The following CRMP1 variants were observed in gnomAD, a reference collection of about 807,000 sequenced individuals.
The protein encoded by CRMP1 is collapsin response mediator protein 1, also known as dihydropyrimidinase-related protein 1.
A neutral mutation model predicts 68.3 loss-of-function variants in CRMP1; 19 were observed. The observed-to-expected ratio is 0.28, with a 90% CI of 0.19 to 0.41. The LOEUF (loss-of-function observed/expected upper bound fraction) is 0.41. Ranked by LOEUF, CRMP1 falls within the 10% of genes least tolerant of loss-of-function variation. The pLI is 1.00. For synonymous variants in CRMP1, 439 were observed against 399.6 expected (o/e 1.10, Z -1.18); for missense variants, 791 against 967.4 (o/e 0.82, Z 2.42).
intron 9 of CRMP1, among the ~76,000 whole-genome samples, chr4:5,837,211 C>G (rs777648708): frequency 1.1e-4 from 16 of 152,162 alleles, no homozygotes; most frequent in South Asian, 2.1e-4. Context: ...AGAACAAACA[C>G]TATTCATTGG....
At chr4:5,830,239 A>G (rs1401991078) in intron 11 of CRMP1, among the ~76,000 whole-genome samples, 3 of 152,156 alleles carry the variant, frequency 2.0e-5, no homozygotes, top group Non-Finnish European at 4.4e-5. Flanking sequence ...AATGTTAAAG[A>G]ATTTATCCTT....
chr4:5,828,427 C>T, intron 12 of CRMP1, 62 bp downstream of exon 12: 1 of 1,578,112 alleles, frequency 6.3e-7, no homozygotes, highest in Non-Finnish European at 8.6e-7. Context: ...ATCTCGATTC[C>T]CCAAGAGACG....
At chr4:5,826,945 C>G (rs368546167) in intron 12 of CRMP1, 1 of 152,678 alleles carries the variant, frequency 6.5e-6, no homozygotes, top group African/African-American at 2.4e-5. Context: ...TGCTCCCCGA[C>G]TCCCTGGGCC....
At chr4:5,873,347 C>T (rs543924620) in intron 1 of CRMP1, among the ~76,000 whole-genome samples, 3 of 152,292 alleles carry the variant, frequency 2.0e-5, no homozygotes, top group African/African-American at 7.2e-5. Context: ...ATTAGTCCAT[C>T]CTCACAATGC....
intron 12 of CRMP1, among the ~76,000 whole-genome samples, chr4:5,827,108 G>T (rs1006603216): frequency 3.3e-5 from 5 of 152,210 alleles, no homozygotes; most frequent in Non-Finnish European, 7.3e-5. Flanking sequence ...GAATCCCTGT[G>T]CAATGGGACC....
intron 1 of CRMP1, among the ~76,000 whole-genome samples, chr4:5,882,401 A>T (rs1715276673): frequency 6.6e-6 from 1 of 152,248 alleles, no homozygotes; most frequent in African/African-American, 2.4e-5. Flanking sequence ...AGCATGAGCA[A>T]AAAATAAGTG....
intron 11 of CRMP1, among the ~76,000 whole-genome samples, chr4:5,831,272 C>A (rs752061977): frequency 3.3e-5 from 5 of 152,086 alleles, no homozygotes; most frequent in Non-Finnish European, 7.4e-5. Context: ...ATTGCTATTA[C>A]AGGATTTTGA....
At chr4:5,824,167 G>T in intron 13 of CRMP1, 1 of 306,668 alleles carries the variant, frequency 3.3e-6, no homozygotes, top group Non-Finnish European at 4.8e-6. Flanking sequence ...GTGTTTAATT[G>T]CATAACTCCA....
chr4:5,892,886 CG>C lies in CRMP1; in HGVS notation c.83del (p.Pro28ArgfsTer61). 1.4e-6 allele frequency: 2 copies of C among 1,408,354 alleles called. No homozygotes were observed. The highest frequency in any genetic ancestry group is 5.4e-5 in the Admixed American group (2 of 37,320). 87.2% of individuals were successfully genotyped at this position (1,408,354 alleles called of 1,614,324 possible). On this transcript the variant is annotated frameshift_variant, in exon 1 of 14. Transcript: ENST00000324989. LOFTEE classifies it high-confidence loss of function. This position sits in a 1 kb window ranked among gnomAD's most constrained non-coding sequence, Gnocchi z 8.6. Reference sequence around the variant, plus strand: ...CGAACATGCCGCCGTACTTCTGGCGCGGGGTCTGCGCCGCGCTGCCCGGCCG... The same window carrying C: ...CGAACATGCCGCCGTACTTCTGGCGCGGGTCTGCGCCGCGCTGCCCGGCCG... ...LARPGSAAQT[P>X]RQKYGGMFAA...
chr4:5,848,929 C>T (rs1453356779), intron 6 of CRMP1, among the ~76,000 whole-genome samples: 1 of 152,244 alleles, frequency 6.6e-6, no homozygotes. Flanking sequence ...ATACCATCAA[C>T]ATACTAGCTT....
chr4:5,878,871 A>C (rs1341776244), intron 1 of CRMP1, among the ~76,000 whole-genome samples: 2 of 151,864 alleles, frequency 1.3e-5, no homozygotes, highest in East Asian at 3.9e-4. Flanking sequence ...TTTTCAGCTT[A>C]TCTCTCATCT....
chr4:5,892,826 G>T lies in CRMP1; in HGVS notation c.144C>A (p.Ile48=). The T allele has an allele frequency of 7.1e-7, 1 of 1,406,914 alleles. No individual in the cohort carries two copies. The highest frequency in any genetic ancestry group is 9.4e-7 in the Non-Finnish European group (1 of 1,068,120). 87.2% of individuals were successfully genotyped at this position (1,406,914 alleles called of 1,614,324 possible). A position where few individuals can be genotyped will look rare whatever the true frequency, so the allele number is the denominator to read the frequency against. Residue 48 remains isoleucine (I), a synonymous_variant, in exon 1 of 14, where the codon ATC becomes ATA. Coordinates refer to ENST00000324989, the MANE Select transcript of CRMP1 (RefSeq NM_001014809.3). The surrounding 1 kb of genome is among the most constrained non-coding windows in gnomAD (Gnocchi z 8.6). ...GGCCCACACTGTAGGCGTCGAAGTC[G>T]ATGGTCTTGTTCTCGTAGGCGCCCT... is the stretch of plus-strand genomic sequence containing the variant. ...AVEGAYENKT[I]DFDAYSVGRR...
chr4:5,840,773 C>G (rs1304383458), intron 8 of CRMP1, among the ~76,000 whole-genome samples: 1 of 152,226 alleles, frequency 6.6e-6, no homozygotes, highest in Admixed American at 6.5e-5. Context: ...CTCTGAGCCC[C>G]GGTTTCCTTA....
chr4:5,832,619 G>A (rs543216275), intron 11 of CRMP1, among the ~76,000 whole-genome samples: 1 of 152,244 alleles, frequency 6.6e-6, no homozygotes, highest in South Asian at 2.1e-4. Context: ...CATTGCTTTG[G>A]ACAGAGAAAA....
Position 5,892,506 on chromosome 4 carries a change from G to C in CRMP1, c.381+83C>G. The C allele has an allele frequency of 8.8e-7, 1 of 1,134,718 alleles. No individual in the cohort carries two copies. Among genetic ancestry groups the C allele is most frequent in the Non-Finnish European group, 1.1e-6 (1 of 922,878 alleles). The allele number at this position is 1,134,718 out of a possible 1,614,324, so 70.3% of individuals were successfully genotyped here. A position where few individuals can be genotyped will look rare whatever the true frequency, so the allele number is the denominator to read the frequency against. On this transcript the variant is annotated intron_variant, in intron 1 of 13. Transcript: ENST00000324989. This position sits in a 1 kb window ranked among gnomAD's most constrained non-coding sequence, Gnocchi z 8.6. Reference sequence around the variant, plus strand: ...GGCCGCTGCCCCAACACCGGGGCCCGGGCATGGCCCTCGGGCGCCCCATGC... The same window carrying C: ...GGCCGCTGCCCCAACACCGGGGCCCCGGCATGGCCCTCGGGCGCCCCATGC...
Position 5,889,911 on chromosome 4 carries a change from A to C in CRMP1, c.381+2678T>G, listed in dbSNP as rs1166637205. ...GCTCAGTATCCCAGGAACACTAGGC[A>C]TAATTTTCCCATTTTACAGACAGGA... On this transcript the variant is annotated intron_variant, in intron 1 of 13. Transcript: ENST00000324989. This position sits in a 1 kb window ranked among gnomAD's most constrained non-coding sequence, Gnocchi z 4.5. The C allele has an allele frequency of 5.7e-6, 8 of 1,395,468 alleles. No individual in the cohort carries two copies. Among genetic ancestry groups the C allele is most frequent in the Admixed American group, 2.9e-5 (1 of 34,086 alleles). 86.4% of individuals were successfully genotyped at this position (1,395,468 alleles called of 1,614,324 possible).
At chr4:5,844,797 A>G (rs1273553338) in intron 6 of CRMP1, among the ~76,000 whole-genome samples, 4 of 151,900 alleles carry the variant, frequency 2.6e-5, no homozygotes, top group East Asian at 1.9e-4. Flanking sequence ...AGCAGTAACC[A>G]CTAACGCTGA....
intron 6 of CRMP1, among the ~76,000 whole-genome samples, chr4:5,845,442 G>C (rs1433338518): frequency 6.6e-6 from 1 of 152,242 alleles, no homozygotes; most frequent in East Asian, 1.9e-4. Flanking sequence ...AGCCAGCAAA[G>C]AACAGACCAT....
chr4:5,827,846 C>T (rs577829612), intron 12 of CRMP1, among the ~76,000 whole-genome samples: 2 of 152,138 alleles, frequency 1.3e-5, no homozygotes, highest in Non-Finnish European at 2.9e-5. Flanking sequence ...ATGTTGGCCA[C>T]GGGCGGGAGT....
Sources: gnomAD v4.1 joint callset for allele counts (sites outside exome capture counted in the v4.1 genomes callset) on GRCh38, gnomAD v4.1.1 for gene constraint, Gnocchi (gnomAD v3.1) non-coding constraint, MANE v1.5 for transcripts, NCBI Gene and HGNC (gene_info 2026-07-23, HGNC 2026-07-21) for gene names.